AKT2: variants seen among roughly 807,000 people sequenced by gnomAD.
AKT2 encodes AKT serine/threonine kinase 2, also known as RAC-beta serine/threonine-protein kinase.
Under a neutral mutation model 58.6 loss-of-function variants are expected in AKT2, and 16 were observed. The ratio of observed to expected loss-of-function variants is 0.27; its 90% confidence interval spans 0.18 to 0.41. The LOEUF (loss-of-function observed/expected upper bound fraction) is 0.41, where lower values mean the gene tolerates loss of function less well. AKT2 is among the 10% of genes least tolerant of loss of function. The pLI is 1.00. For missense variants in AKT2, 438 were observed against 661.0 expected (o/e 0.66, Z 3.70); for synonymous variants, 253 against 254.0 (o/e 1.00, Z 0.04).
intron 4 of AKT2, among the ~76,000 whole-genome samples, chr19:40,253,982 TAA>T (rs756229908): frequency 3.5e-4 from 47 of 133,836 alleles, no homozygotes; most frequent in Admixed American, 5.3e-4. Flanking sequence ...CTTTTGTATT[TAA>T]AAAAAAAAAA....
chr19:40,241,754 A>T, intron 6 of AKT2, 184 bp downstream of exon 6: 1 of 878,394 alleles, frequency 1.1e-6, no homozygotes, highest in South Asian at 1.6e-5. Flanking sequence ...GGAGGTGGGG[A>T]CTCAGCAGCA....
intron 4 of AKT2, among the ~76,000 whole-genome samples, chr19:40,249,644 G>C (rs1379690759): frequency 3.3e-5 from 5 of 152,362 alleles, no homozygotes; most frequent in South Asian, 2.1e-4. Context: ...TTTACAGCTG[G>C]AGGGCATCTG....
At position 40,238,117 on chromosome 19, in the gene AKT2, G is replaced by A. The variant is rs748403657; in HGVS notation, c.709-26C>T. ...CTGCAGGAGGAAGGGGTGGGGAGAG[G>A]AGGTCAGGCCCCAGCCCACCCACCT... is the stretch of plus-strand genomic sequence containing the variant. On this transcript the variant is annotated intron_variant, in intron 8 of 13. Coordinates refer to ENST00000392038, the MANE Select transcript of AKT2 (RefSeq NM_001626.6). The surrounding 1 kb of genome is among the most constrained non-coding windows in gnomAD (Gnocchi z 5.1). 30 of 1,576,602 alleles carry A rather than the reference G, an allele frequency of 1.9e-5. No homozygotes were observed. Among genetic ancestry groups the A allele is most frequent in the Non-Finnish European group, 1.7e-5 (20 of 1,161,816 alleles).
intron 1 of AKT2, among the ~76,000 whole-genome samples, chr19:40,281,322 T>A (rs1456661759): frequency 6.6e-6 from 1 of 152,124 alleles, no homozygotes; most frequent in Non-Finnish European, 1.5e-5. Flanking sequence ...GAGACTCCCG[T>A]TTCCACAAAA....
chr19:40,255,342 GC>G lies in AKT2; in HGVS notation c.176-74del, dbSNP rs1975463202. The G allele has an allele frequency of 2.4e-6, 3 of 1,250,968 alleles. No individual in the cohort carries two copies. In the East Asian group the frequency reaches 7.0e-5, roughly 29 times the overall value. The allele number at this position is 1,250,968 out of a possible 1,614,324, so 77.5% of individuals were successfully genotyped here. A position where few individuals can be genotyped will look rare whatever the true frequency, so the allele number is the denominator to read the frequency against. ...CTAGCCTGCAGCCCAAAGTGCCCGA[GC>G]CACCTCCCACAGGCCTAGCCCCATG... On this transcript the variant is annotated intron_variant, in intron 3 of 13. Transcript: ENST00000392038.
intron 4 of AKT2, among the ~76,000 whole-genome samples, chr19:40,252,852 C>G (rs1318612083): frequency 6.6e-6 from 1 of 152,240 alleles, no homozygotes; most frequent in Non-Finnish European, 1.5e-5. Context: ...TATACACCCA[C>G]TGGTCTCGAT....
At chr19:40,281,280 C>A (rs1022795851) in intron 1 of AKT2, among the ~76,000 whole-genome samples, 6 of 152,160 alleles carry the variant, frequency 3.9e-5, no homozygotes, top group African/African-American at 9.7e-5. Context: ...CACTTGAGCC[C>A]AGGAGTTCAA....
At chr19:40,266,774 GTC>G (rs956411142) in intron 1 of AKT2, among the ~76,000 whole-genome samples, 2 of 152,290 alleles carry the variant, frequency 1.3e-5, no homozygotes, top group Admixed American at 6.5e-5. Context: ...GTGAGAACTT[GTC>G]TCACGACCTA....
intron 2 of AKT2, among the ~76,000 whole-genome samples, chr19:40,261,843 T>C (rs1975983767): frequency 6.6e-6 from 1 of 151,778 alleles, no homozygotes; most frequent in Admixed American, 6.6e-5. Context: ...TGTGATATAC[T>C]AAAGGCCAAT....
chr19:40,275,138 C>G (rs772454263), intron 1 of AKT2: 2 of 456,792 alleles, frequency 4.4e-6, no homozygotes, highest in South Asian at 3.1e-5. Flanking sequence ...GCCAAGGAGC[C>G]CGGACCCCTC....
chr19:40,240,254 C>T (rs1260432042), intron 6 of AKT2, 144 bp from the exon 7 acceptor site: 1 of 920,222 alleles, frequency 1.1e-6, no homozygotes, highest in Admixed American at 1.7e-5. Flanking sequence ...AAGTGAAAGC[C>T]TGCAAACCCT....
chr19:40,230,718 T>TG lies in AKT2; in HGVS notation c.*3153_*3154insC, dbSNP rs892557512. On this transcript the variant is annotated 3_prime_UTR_variant, in exon 14 of 14. Coordinates refer to ENST00000392038, the MANE Select transcript of AKT2 (RefSeq NM_001626.6). ...TCTTTTTTAATAGCATGTATCATGTTTTTTTTTTTTTTATTTTTAGAGACA... is the reference window on the plus strand; with the variant it reads ...TCTTTTTTAATAGCATGTATCATGTTGTTTTTTTTTTTTATTTTTAGAGACA... 22 of 193,690 alleles carry TG rather than the reference T, an allele frequency of 1.1e-4. No individual in the cohort carries two copies. Among genetic ancestry groups the TG allele is most frequent in the African/African-American group, 5.1e-4 (22 of 42,752 alleles). The allele number at this position is 193,690 out of a possible 1,614,324, so 12.0% of individuals were successfully genotyped here.
Position 40,242,518 on chromosome 19 carries a change from T to C in AKT2, c.441+16A>G. The C allele has an allele frequency of 5.0e-6, 8 of 1,613,252 alleles. No homozygotes were observed. The highest frequency in any genetic ancestry group is 6.8e-6 in the Non-Finnish European group (8 of 1,179,976). On this transcript the variant is annotated intron_variant, in intron 5 of 13. Coordinates refer to ENST00000392038, the MANE Select transcript of AKT2 (RefSeq NM_001626.6). The surrounding 1 kb of genome is among the most constrained non-coding windows in gnomAD (Gnocchi z 4.3). ...CACCGCAGGCTGGCAGCCCCACCCC[T>C]GCTCCCAGCACTTACCACTTTAGCC...
chr19:40,256,948 G>A lies in AKT2; in HGVS notation c.153C>T (p.Pro51=). Residue 51 remains proline, a synonymous_variant, in exon 3 of 14, where the codon CCC becomes CCT. Coordinates refer to ENST00000392038, the MANE Select transcript of AKT2 (RefSeq NM_001626.6). ...CACCTGCTACGGAGAAGTTGTTTAA[G>A]GGGGGTAGAGTCTGATCAGGGGCCT... ...RPEAPDQTLP[P]LNNFSVAECQ... The A allele has an allele frequency of 1.9e-6, 3 of 1,614,176 alleles. No individual in the cohort carries two copies. The highest frequency in any genetic ancestry group is 2.5e-6 in the Non-Finnish European group (3 of 1,180,004).
intron 3 of AKT2, among the ~76,000 whole-genome samples, chr19:40,256,141 C>A (rs771191969): frequency 9.2e-5 from 14 of 152,104 alleles, no homozygotes; most frequent in Non-Finnish European, 1.8e-4. Flanking sequence ...CTGGGACAGG[C>A]TGGGAGTTCT....
chr19:40,256,837 T>C (rs1975573915), intron 3 of AKT2, 89 bp downstream of exon 3: 1 of 1,588,526 alleles, frequency 6.3e-7, no homozygotes, highest in African/African-American at 1.3e-5. Context: ...GACAGGCCCA[T>C]GGCTCAATGA....
In AKT2 at chr19:40,242,558, C is replaced by T. The variant is rs142991191; in HGVS notation, c.417G>A (p.Ala139=). ...CCACTTTAGCCCGTGCCTTGCTGAC[C>T]GCCACTTCCATCTCCTCAGTCGTGG... ...DSSTTEEMEV[A]VSKARAKVTM... is the part of the protein sequence containing the mutation. Residue 139 remains alanine, a synonymous_variant, in exon 5 of 14, where the codon GCG becomes GCA. Transcript: ENST00000392038. This position sits in a 1 kb window ranked among gnomAD's most constrained non-coding sequence, Gnocchi z 4.3. The T allele has an allele frequency of 1.4e-5, 22 of 1,613,766 alleles. 1 individual carries two copies. The highest frequency in any genetic ancestry group is 9.3e-6 in the Non-Finnish European group (11 of 1,180,030).
At position 40,238,898 on chromosome 19, in the gene AKT2, G is replaced by A. The variant is rs375480876; in HGVS notation, c.708+7C>T. On this transcript the variant is annotated splice_region_variant and intron_variant, in intron 8 of 13. Coordinates refer to ENST00000392038, the MANE Select transcript of AKT2 (RefSeq NM_001626.6). This position sits in a 1 kb window ranked among gnomAD's most constrained non-coding sequence, Gnocchi z 5.1. ...CAGAGGGCAAAGTCAAGGCAGCCGCGGCTCACCTCACCCCCGTTGGCATAC... is the reference window on the plus strand; with the variant it reads ...CAGAGGGCAAAGTCAAGGCAGCCGCAGCTCACCTCACCCCCGTTGGCATAC... 23 of 1,613,932 alleles carry A rather than the reference G, an allele frequency of 1.4e-5. No individual in the cohort carries two copies. The highest frequency in any genetic ancestry group is 1.9e-5 in the Non-Finnish European group (22 of 1,180,004).
At chr19:40,266,172 G>GCCC in intron 1 of AKT2, 1 of 152,562 alleles carries the variant, frequency 6.6e-6, no homozygotes, top group East Asian at 1.9e-4. Context: ...ACGGAGGGGA[G>GCCC]GAGGGCGCGA....
Sources: allele counts gnomAD v4.1 joint callset (sites outside exome capture counted in the v4.1 genomes callset), GRCh38; gene constraint gnomAD v4.1.1; non-coding constraint Gnocchi (gnomAD v3.1); transcripts MANE v1.5; gene names NCBI Gene and HGNC (gene_info 2026-07-23, HGNC 2026-07-21).